The following RSRC1 variants were observed in gnomAD, a reference collection of about 807,000 sequenced individuals.
The protein encoded by RSRC1 is serine/Arginine-related protein 53.
Under a neutral mutation model 49.1 loss-of-function variants are expected in RSRC1, and 39 were observed. That is an observed-to-expected ratio of 0.79 (90% CI 0.61 to 1.04). The LOEUF (loss-of-function observed/expected upper bound fraction) is 1.04, where lower values mean the gene tolerates loss of function less well. RSRC1 is among the 50% of genes least tolerant of loss of function. The pLI is 0.00. For synonymous variants in RSRC1, 143 were observed against 130.8 expected (o/e 1.09, Z -0.63); for missense variants, 388 against 402.4 (o/e 0.96, Z 0.31).
chr3:158,191,639 A>AT (rs1022346522), intron 3 of RSRC1, among the ~76,000 whole-genome samples: 1 of 151,956 alleles, frequency 6.6e-6, no homozygotes, highest in Non-Finnish European at 1.5e-5. Context: ...AGAGTGCCAC[A>AT]TTTTTTATCA....
In RSRC1 at chr3:158,445,626, A is replaced by G. The variant is rs1736665922; in HGVS notation, c.584-15309A>G. ...TATGTAACAAACCTGCATGTTGTGC[A>G]CATGTACCCTCGAACTTATAACAAC... On this transcript the variant is annotated intron_variant, in intron 6 of 9. Transcript: ENST00000611884. Among the ~76,000 whole-genome samples the G allele has an allele frequency of 2.0e-5, 3 of 152,130 alleles. No homozygotes were observed. In the South Asian group the frequency reaches 6.2e-4, roughly 31 times the overall value.
intron 6 of RSRC1, among the ~76,000 whole-genome samples, chr3:158,458,063 C>T (rs531858453): frequency 2.6e-4 from 40 of 152,002 alleles, no homozygotes; most frequent in African/African-American, 7.0e-4. Context: ...GATTGATGAA[C>T]GTAAAAGTTT....
chr3:158,485,952 G>C (rs1165396458), intron 7 of RSRC1, among the ~76,000 whole-genome samples: 1 of 151,990 alleles, frequency 6.6e-6, no homozygotes, highest in Admixed American at 6.6e-5. Context: ...ATTTAGTTCG[G>C]CATGATTTTT....
At position 158,298,034 on chromosome 3, in the gene RSRC1, T is replaced by C; in HGVS notation, c.495-5T>C. On this transcript the variant is annotated splice_region_variant and splice_polypyrimidine_tract_variant and intron_variant, in intron 4 of 9. Transcript: ENST00000611884. ...CTATTTAGAACTTTTACTCTTCTATTTTAGGGAATCTGGAAACATCAAAGC... is the reference window on the plus strand; with the variant it reads ...CTATTTAGAACTTTTACTCTTCTATCTTAGGGAATCTGGAAACATCAAAGC... 6.3e-7 allele frequency: 1 copy of C among 1,599,158 alleles called. No homozygotes were observed. Among genetic ancestry groups the C allele is most frequent in the South Asian group, 1.1e-5 (1 of 90,590 alleles).
intron 4 of RSRC1, among the ~76,000 whole-genome samples, chr3:158,270,856 T>C (rs1399067125): frequency 1.3e-5 from 2 of 152,152 alleles, no homozygotes. Flanking sequence ...TTCTGAACTA[T>C]TTTCCTATAC....
chr3:158,311,169 G>A (rs1728099964), intron 5 of RSRC1, among the ~76,000 whole-genome samples: 1 of 151,722 alleles, frequency 6.6e-6, no homozygotes, highest in African/African-American at 2.4e-5. Flanking sequence ...CTCTCTAACA[G>A]TGTTAAGAAT....
chr3:158,439,477 T>C (rs1205746093), intron 6 of RSRC1, among the ~76,000 whole-genome samples: 1 of 152,082 alleles, frequency 6.6e-6, no homozygotes, highest in Non-Finnish European at 1.5e-5. Flanking sequence ...TGGAATACTA[T>C]GCAGCCATAA....
intron 6 of RSRC1, among the ~76,000 whole-genome samples, chr3:158,400,712 A>G (rs895587172): frequency 1.3e-5 from 2 of 152,124 alleles, no homozygotes; most frequent in Non-Finnish European, 2.9e-5. Context: ...GAAGAAAGAA[A>G]ATATTTTTGT....
chr3:158,280,989 A>G (rs895625058), intron 4 of RSRC1, among the ~76,000 whole-genome samples: 5 of 152,144 alleles, frequency 3.3e-5, no homozygotes, highest in Admixed American at 3.3e-4. Flanking sequence ...CTGTTTTGCA[A>G]CAGGTGGATG....
chr3:158,313,154 G>A (rs1263430109), intron 5 of RSRC1, among the ~76,000 whole-genome samples: 1 of 151,378 alleles, frequency 6.6e-6, no homozygotes, highest in Non-Finnish European at 1.5e-5. Context: ...TTTGTAAAAA[G>A]CTTTCACTGA....
chr3:158,354,928 T>C lies in RSRC1; in HGVS notation c.583+20T>C. On this transcript the variant is annotated intron_variant, in intron 6 of 9. Coordinates refer to ENST00000611884, the MANE Select transcript of RSRC1 (RefSeq NM_001271838.2). The stretch of plus-strand genomic sequence containing the variant: ...CTGCTGGTAAGTGTTGATAATTAAC[T>C]TTTATTAAATGAAGAAGTGACGAGT... 6.6e-7 allele frequency: 1 copy of C among 1,514,486 alleles called. No individual in the cohort carries two copies. 93.8% of individuals were successfully genotyped at this position (1,514,486 alleles called of 1,614,324 possible).
At chr3:158,169,982 T>G (rs1718778715) in intron 3 of RSRC1, among the ~76,000 whole-genome samples, 1 of 152,176 alleles carries the variant, frequency 6.6e-6, no homozygotes. Context: ...AATCAACCCC[T>G]TATTTAAGCC....
chr3:158,447,867 T>C (rs1001735635), intron 6 of RSRC1, among the ~76,000 whole-genome samples: 2 of 151,938 alleles, frequency 1.3e-5, no homozygotes, highest in Admixed American at 6.6e-5. Flanking sequence ...ATCCTTGATT[T>C]CTGAGGTATA....
At chr3:158,530,962 A>T (rs1712366688) in intron 7 of RSRC1, among the ~76,000 whole-genome samples, 4 of 150,484 alleles carry the variant, frequency 2.7e-5, no homozygotes, top group African/African-American at 9.7e-5. Flanking sequence ...CCACTGAAAG[A>T]CATTTAATTT....
chr3:158,355,174 A>G (rs545121277), intron 6 of RSRC1, among the ~76,000 whole-genome samples: 1 of 151,966 alleles, frequency 6.6e-6, no homozygotes, highest in East Asian at 1.9e-4. Context: ...GATGAAGCCC[A>G]ATTGATTAAT....
intron 4 of RSRC1, among the ~76,000 whole-genome samples, chr3:158,225,198 C>T (rs1722459075): frequency 6.6e-6 from 1 of 151,680 alleles, no homozygotes; most frequent in African/African-American, 2.4e-5. Context: ...AGAGTGTGAC[C>T]ACCAGAGGTT....
At chr3:158,388,612 G>T (rs10936137) in intron 6 of RSRC1, among the ~76,000 whole-genome samples, 2,527 of 143,818 alleles carry the variant, frequency 0.018, 59 homozygotes, top group African/African-American at 0.062. Context: ...CGTGTTTTTT[G>T]TTTTTTTTTT....
chr3:158,118,237 A>G (rs1429780468), intron 1 of RSRC1, among the ~76,000 whole-genome samples: 1 of 152,150 alleles, frequency 6.6e-6, no homozygotes, highest in African/African-American at 2.4e-5. Context: ...GGCGTGAGCC[A>G]CCGTGCCTGG....
At chr3:158,313,700 A>G (rs1398415769) in intron 5 of RSRC1, among the ~76,000 whole-genome samples, 1 of 152,228 alleles carries the variant, frequency 6.6e-6, no homozygotes, top group East Asian at 1.9e-4. Context: ...TATGCCAACA[A>G]AGGAGAACGA....
Sources: allele counts gnomAD v4.1 joint callset (sites outside exome capture counted in the v4.1 genomes callset), GRCh38; gene constraint gnomAD v4.1.1; transcripts MANE v1.5; gene names NCBI Gene and HGNC (gene_info 2026-07-23, HGNC 2026-07-21).